CRACDL: variants seen among roughly 807,000 people sequenced by gnomAD.
CRACDL encodes CRACD-like protein.
Under a neutral mutation model 70.6 loss-of-function variants are expected in CRACDL, and 26 were observed. That is an observed-to-expected ratio of 0.37 (90% CI 0.27 to 0.51). CRACDL has a LOEUF of 0.51. CRACDL is among the 20% of genes least tolerant of loss of function. CRACDL has a pLI of 0.94. For synonymous variants in CRACDL, 618 were observed against 615.2 expected, an observed-to-expected ratio of 1.00 and a Z score of -0.07; for missense variants, 1,283 against 1,376.9, an observed-to-expected ratio of 0.93 and a Z score of 1.08.
At position 98,794,511 on chromosome 2, in the gene CRACDL, C is replaced by A; in HGVS notation, c.*21G>T. The A allele has an allele frequency of 1.2e-6, 2 of 1,611,174 alleles. No homozygotes were observed. The highest frequency in any genetic ancestry group is 1.7e-6 in the Non-Finnish European group (2 of 1,177,812). On this transcript the variant is annotated 3_prime_UTR_variant, in exon 10 of 10. Transcript: ENST00000397899. ...GTGGCTTGTCAGGGTAGTGGACATG[C>A]TTTATCAGCACACTGCCCACCTATT...
intron 1 of CRACDL, among the ~76,000 whole-genome samples, chr2:98,889,080 A>G (rs1707875438): frequency 6.6e-6 from 1 of 150,950 alleles, no homozygotes; most frequent in African/African-American, 2.4e-5. Flanking sequence ...GAGAGCCGAG[A>G]TCATGCCACT....
intron 1 of CRACDL, among the ~76,000 whole-genome samples, chr2:98,852,491 A>C (rs1278688950): frequency 6.6e-6 from 1 of 151,912 alleles, no homozygotes; most frequent in Non-Finnish European, 1.5e-5. Context: ...TAGTCATGAG[A>C]AAAAAAACAC....
chr2:98,924,705 C>T (rs2104698837), intron 1 of CRACDL, among the ~76,000 whole-genome samples: 1 of 152,182 alleles, frequency 6.6e-6, no homozygotes, highest in Non-Finnish European at 1.5e-5. Context: ...CATGGCCCAC[C>T]TCCTTCCTCC....
At chr2:98,901,886 C>G (rs558395213) in intron 1 of CRACDL, among the ~76,000 whole-genome samples, 1 of 152,016 alleles carries the variant, frequency 6.6e-6, no homozygotes, top group South Asian at 2.1e-4. Context: ...GGATCAAACA[C>G]AGCCCCTCCC....
intron 1 of CRACDL, among the ~76,000 whole-genome samples, chr2:98,924,214 T>C (rs1159199762): frequency 6.6e-6 from 1 of 152,194 alleles, no homozygotes; most frequent in Admixed American, 6.5e-5. Flanking sequence ...ACGTGACCAC[T>C]GACCAAGTGC....
chr2:98,833,157 C>T (rs564649406), intron 3 of CRACDL, among the ~76,000 whole-genome samples, 160 bp from the exon 4 acceptor site: 10 of 152,352 alleles, frequency 6.6e-5, no homozygotes, highest in South Asian at 6.2e-4. Context: ...TTCATCCACA[C>T]GCTGTCAAAT....
intron 1 of CRACDL, among the ~76,000 whole-genome samples, chr2:98,913,227 C>T (rs78601643): frequency 2.2e-3 from 331 of 152,346 alleles, no homozygotes; most frequent in Non-Finnish European, 2.3e-3. Flanking sequence ...CTTGAGAATC[C>T]TCAGTCTGTG....
intron 1 of CRACDL, among the ~76,000 whole-genome samples, chr2:98,904,973 G>A (rs986925866): frequency 2.6e-5 from 4 of 151,344 alleles, no homozygotes; most frequent in East Asian, 2.0e-4. Flanking sequence ...GGGCCCGGCC[G>A]GGCGCGGTGG....
At chr2:98,889,285 G>GAAAGAAAGAAAGAAAGAA (rs1350102603) in intron 1 of CRACDL, among the ~76,000 whole-genome samples, 1 of 140,968 alleles carries the variant, frequency 7.1e-6, no homozygotes, top group African/African-American at 2.6e-5. Context: ...GAAAAAGAGA[G>GAAAGAAAGAAAGAAAGAA]AGAAAGAAAG....
intron 5 of CRACDL, among the ~76,000 whole-genome samples, chr2:98,828,748 G>T (rs1705418835): frequency 6.6e-6 from 1 of 152,190 alleles, no homozygotes; most frequent in South Asian, 2.1e-4. Context: ...TAATCTATTT[G>T]AATTCTCTTT....
At chr2:98,884,582 G>T (rs910313384) in intron 1 of CRACDL, among the ~76,000 whole-genome samples, 1 of 152,208 alleles carries the variant, frequency 6.6e-6, no homozygotes, top group Non-Finnish European at 1.5e-5. Context: ...AAATTCACGT[G>T]TTGAAACCTA....
intron 1 of CRACDL, among the ~76,000 whole-genome samples, chr2:98,847,936 T>C (rs1222467816): frequency 6.6e-6 from 1 of 152,200 alleles, no homozygotes; most frequent in Non-Finnish European, 1.5e-5. Context: ...TCTTCTAATG[T>C]TCATCCTCCC....
At position 98,832,867 on chromosome 2, in the gene CRACDL, G is replaced by T. The variant is rs1429659129; in HGVS notation, c.370C>A (p.Leu124Met). Residue 124 changes from leucine (L) to methionine (M), a missense_variant, in exon 4 of 10, where the codon CTG becomes ATG. Leu to Met is a conservative substitution (Grantham distance 15). Transcript: ENST00000397899. ...QENVCDRIKA[L>M]QLKIQCNVKM... ...ATGACCAAGGAAACATTTACCTGCA[G>T]AGCTTTAATCCGATCACACACATTT... is the stretch of plus-strand genomic sequence containing the variant. 6.2e-7 allele frequency: 1 copy of T among 1,613,932 alleles called. No individual in the cohort carries two copies. The highest frequency in any genetic ancestry group is 1.3e-5 in the African/African-American group (1 of 74,916).
At chr2:98,832,272 ACAGGGGAT>A in intron 5 of CRACDL, 68 bp downstream of exon 5, 1 of 1,518,372 alleles carries the variant, frequency 6.6e-7, no homozygotes. Flanking sequence ...AGGGGCACAC[ACAGGGGAT>A]CTCAGAGCTC....
intron 1 of CRACDL, among the ~76,000 whole-genome samples, chr2:98,929,513 AG>A (rs1709018253): frequency 1.3e-5 from 2 of 152,164 alleles, no homozygotes; most frequent in South Asian, 4.1e-4. Context: ...CTGAGGAGCC[AG>A]GGGAAGAAAC....
At chr2:98,922,952 T>C (rs1015774147) in intron 1 of CRACDL, among the ~76,000 whole-genome samples, 2 of 152,190 alleles carry the variant, frequency 1.3e-5, no homozygotes, top group Non-Finnish European at 2.9e-5. Context: ...TAAGAGAGTT[T>C]AGTTATCTGA....
chr2:98,932,952 C>T (rs1229720851), intron 1 of CRACDL, among the ~76,000 whole-genome samples: 3 of 152,174 alleles, frequency 2.0e-5, no homozygotes, highest in Non-Finnish European at 2.9e-5. Flanking sequence ...TGCACCCCAC[C>T]TGGAGGAGCA....
chr2:98,814,892 T>C (rs1704718866), intron 7 of CRACDL, among the ~76,000 whole-genome samples: 1 of 152,206 alleles, frequency 6.6e-6, no homozygotes, highest in Non-Finnish European at 1.5e-5. Context: ...CTCTTATGCA[T>C]TCTTGATTCA....
intron 7 of CRACDL, among the ~76,000 whole-genome samples, chr2:98,806,751 GAA>G (rs1350671621): frequency 1.3e-5 from 2 of 152,162 alleles, no homozygotes; most frequent in Non-Finnish European, 2.9e-5. Context: ...GCACGATTGA[GAA>G]AAAGGTGAAA....
Sources: gnomAD v4.1 joint callset for allele counts (sites outside exome capture counted in the v4.1 genomes callset) on GRCh38, gnomAD v4.1.1 for gene constraint, MANE v1.5 for transcripts, NCBI Gene and HGNC (gene_info 2026-07-23, HGNC 2026-07-21) for gene names.